The following PROZ variants were observed in gnomAD, a reference collection of about 807,000 sequenced individuals.
The protein encoded by PROZ is protein Z, vitamin K dependent plasma glycoprotein.
A neutral mutation model predicts 34.9 loss-of-function variants in PROZ; 46 were observed. That is an observed-to-expected ratio of 1.32 (90% CI 1.04 to 1.69). PROZ has a LOEUF of 1.69. PROZ is among the 40% of genes most tolerant of loss of function. The probability of loss-of-function intolerance (pLI) is 0.00; values close to 1 mark genes in which losing one functional copy is unlikely to be tolerated. For synonymous variants in PROZ, 195 were observed against 208.5 expected (o/e 0.94, Z 0.56); for missense variants, 530 against 520.4 (o/e 1.02, Z -0.18).
At chr13:113,163,964 G>GTCT (rs1301126143) in intron 4 of PROZ, among the ~76,000 whole-genome samples, 2 of 26,370 alleles carry the variant, frequency 7.6e-5, no homozygotes, top group African/African-American at 1.2e-4. Flanking sequence ...CACTCATGGA[G>GTCT]TCTTTTTTTT....
In PROZ at chr13:113,165,066, C is replaced by T. The variant is rs183762960; in HGVS notation, c.519C>T (p.Cys173=). The part of the protein sequence containing the change: ...KQCVPHDQCA[C]GVLTSEKRAP... ...CCGCAAATGCAGACCAGTGTGCCTG[C>T]GGGGTGCTGACCTCTGAGAAGCGTG... The change falls in exon 6 of 8, where the codon TGC becomes TGT. Residue 173 remains cysteine, a synonymous_variant. Transcript: ENST00000375547. 51 of 1,613,222 alleles carry T rather than the reference C, an allele frequency of 3.2e-5. No individual in the cohort carries two copies. The highest frequency in any genetic ancestry group is 1.6e-4 in the Middle Eastern group (1 of 6,076).
In PROZ at chr13:113,165,081, TGA is replaced by T. The variant is rs2036884420; in HGVS notation, c.537_538del (p.Lys180AlafsTer53). On this transcript the variant is annotated frameshift_variant, in exon 6 of 8. Transcript: ENST00000375547. LOFTEE classifies it high-confidence loss of function. ...DQCACGVLTS[E>X]KRAPDLQDLP... The stretch of plus-strand genomic sequence containing the variant: ...AGTGTGCCTGCGGGGTGCTGACCTC[TGA>T]GAAGCGTGCACCGGATCTACAGGAC... 1 of 1,613,056 alleles carries T rather than the reference TGA, an allele frequency of 6.2e-7. No individual in the cohort carries two copies. The highest frequency in any genetic ancestry group is 1.3e-5 in the African/African-American group (1 of 75,032).
intron 6 of PROZ, among the ~76,000 whole-genome samples, chr13:113,167,205 AGT>A (rs1566930317): frequency 2.0e-5 from 3 of 152,204 alleles, no homozygotes; most frequent in South Asian, 4.1e-4. Context: ...TGATGGCGCA[AGT>A]GCCGTCTTCT....
At position 113,160,036 on chromosome 13, in the gene PROZ, A is replaced by G; in HGVS notation, c.93A>G (p.Ala31=). The change falls in exon 2 of 8, where the codon GCA becomes GCG. Residue 31 remains alanine, a synonymous_variant. Transcript: ENST00000375547. ...EPSVFLPASK[A]NDVLVRWKRA... The stretch of plus-strand genomic sequence containing the variant: ...TAGTATTTCTCCCGGCCTCCAAAGC[A>G]AACGACGTTCTGGTGAGGTGGAAGC... 1 of 1,614,204 alleles carries G rather than the reference A, an allele frequency of 6.2e-7. No individual in the cohort carries two copies. The highest frequency in any genetic ancestry group is 8.5e-7 in the Non-Finnish European group (1 of 1,180,036).
chr13:113,168,110 C>T (rs2036999335), intron 6 of PROZ, among the ~76,000 whole-genome samples: 1 of 152,224 alleles, frequency 6.6e-6, no homozygotes, highest in African/African-American at 2.4e-5. Flanking sequence ...CTTACATCTA[C>T]AGATGTTATA....
chr13:113,161,594 G>A (rs980190084), intron 3 of PROZ, among the ~76,000 whole-genome samples: 1 of 152,162 alleles, frequency 6.6e-6, no homozygotes, highest in African/African-American at 2.4e-5. Flanking sequence ...GGGCTGATGG[G>A]GCGGGACAGA....
intron 6 of PROZ, among the ~76,000 whole-genome samples, chr13:113,168,651 G>A (rs556474202): frequency 6.6e-6 from 1 of 152,304 alleles, no homozygotes; most frequent in Non-Finnish European, 1.5e-5. Context: ...TTGTTTTCAT[G>A]TTTCTTGCAC....
At chr13:113,170,842 G>A (rs1156558800) in intron 7 of PROZ, among the ~76,000 whole-genome samples, 1 of 151,930 alleles carries the variant, frequency 6.6e-6, no homozygotes, top group Non-Finnish European at 1.5e-5. Flanking sequence ...CTAAAAATCG[G>A]AAGAATGGGG....
chr13:113,172,043 C>A lies in PROZ; in HGVS notation c.1141C>A (p.His381Asn). Residue 381 changes from histidine to asparagine, a missense_variant, in exon 8 of 8, where the codon CAC (histidine) becomes AAC (asparagine). Coordinates refer to ENST00000375547, the MANE Select transcript of PROZ (RefSeq NM_003891.3). ...CTCGCAGCCAGTAGGAGGGCAGGCT[C>A]ACATGGTCCTTGTCACCAAGGTCTC... ...LGSQPVGGQA[H>N]MVLVTKVSRY... 6.2e-7 allele frequency: 1 copy of A among 1,613,118 alleles called. No homozygotes were observed. The highest frequency in any genetic ancestry group is 8.5e-7 in the Non-Finnish European group (1 of 1,180,034).
chr13:113,165,004 C>T (rs751389856), intron 5 of PROZ, 49 bp from the exon 6 acceptor site: 32 of 1,559,330 alleles, frequency 2.1e-5, no homozygotes, highest in South Asian at 1.4e-4. Context: ...GTCCGATATT[C>T]GCTGAGAAGG....
chr13:113,160,788 CAAAT>C (rs1331547129), intron 2 of PROZ, among the ~76,000 whole-genome samples, 156 bp from the exon 3 acceptor site: 2 of 152,114 alleles, frequency 1.3e-5, no homozygotes, highest in Non-Finnish European at 2.9e-5. Flanking sequence ...TTAACATAAA[CAAAT>C]AGGCTGTAAA....
Position 113,158,852 on chromosome 13 carries a change from C to G in PROZ, c.70+122C>G. ...AGGAGCCCTGAGTGCCCAGACTAGT[C>G]TTAATTCCCCTGAAAAAGCTGTTTG... On this transcript the variant is annotated intron_variant, in intron 1 of 7. Coordinates refer to ENST00000375547, the MANE Select transcript of PROZ (RefSeq NM_003891.3). This position sits in a 1 kb window ranked among gnomAD's most constrained non-coding sequence, Gnocchi z 4.3. 1.1e-6 allele frequency: 1 copy of G among 951,434 alleles called. No individual in the cohort carries two copies. The highest frequency in any genetic ancestry group is 2.0e-5 in the Admixed American group (1 of 50,228). The allele number at this position is 951,434 out of a possible 1,614,324, so 58.9% of individuals were successfully genotyped here.
Position 113,159,368 on chromosome 13 carries a change from C to T in PROZ, c.70+638C>T. The T allele has an allele frequency of 8.0e-7, 1 of 1,253,228 alleles. No individual in the cohort carries two copies. The highest frequency in any genetic ancestry group is 1.3e-5 in the South Asian group (1 of 75,916). The allele number at this position is 1,253,228 out of a possible 1,614,324, so 77.6% of individuals were successfully genotyped here. A position where few individuals can be genotyped will look rare whatever the true frequency, so the allele number is the denominator to read the frequency against. ...TCCCCCCGCCCTGCCCTGCCCAGCACTTACCGTAGCCGGACTTAGCTGAGC... is the reference window on the plus strand; with the variant it reads ...TCCCCCCGCCCTGCCCTGCCCAGCATTTACCGTAGCCGGACTTAGCTGAGC... On this transcript the variant is annotated intron_variant, in intron 1 of 7. Transcript: ENST00000375547. This position sits in a 1 kb window ranked among gnomAD's most constrained non-coding sequence, Gnocchi z 4.6.
rs923184960 is a variant in PROZ, at chr13:113,159,371, A to G, written c.70+641A>G. 58 of 1,225,442 alleles carry G rather than the reference A, an allele frequency of 4.7e-5. No homozygotes were observed. The highest frequency in any genetic ancestry group is 6.5e-5 in the Non-Finnish European group (56 of 864,412). The allele number at this position is 1,225,442 out of a possible 1,614,324, so 75.9% of individuals were successfully genotyped here. A position where few individuals can be genotyped will look rare whatever the true frequency, so the allele number is the denominator to read the frequency against. ...CCCCGCCCTGCCCTGCCCAGCACTT[A>G]CCGTAGCCGGACTTAGCTGAGCCCC... is the stretch of plus-strand genomic sequence containing the variant. On this transcript the variant is annotated intron_variant, in intron 1 of 7. Coordinates refer to ENST00000375547, the MANE Select transcript of PROZ (RefSeq NM_003891.3). This position sits in a 1 kb window ranked among gnomAD's most constrained non-coding sequence, Gnocchi z 4.6.
chr13:113,159,921 G>C lies in PROZ; in HGVS notation c.71-93G>C. On this transcript the variant is annotated intron_variant, in intron 1 of 7. Coordinates refer to ENST00000375547, the MANE Select transcript of PROZ (RefSeq NM_003891.3). The surrounding 1 kb of genome is among the most constrained non-coding windows in gnomAD (Gnocchi z 4.6). Reference sequence around the variant, plus strand: ...AGAGCCTGTGGAGACGGACGGGGCTGGGGCTGGCGGCCGGCCGGGGAGGAA... The same window carrying C: ...AGAGCCTGTGGAGACGGACGGGGCTCGGGCTGGCGGCCGGCCGGGGAGGAA... The C allele has an allele frequency of 1.4e-6, 2 of 1,476,146 alleles. No individual in the cohort carries two copies. Among genetic ancestry groups the C allele is most frequent in the Non-Finnish European group, 1.9e-6 (2 of 1,057,648 alleles). 91.4% of individuals were successfully genotyped at this position (1,476,146 alleles called of 1,614,324 possible).
chr13:113,171,808 C>T lies in PROZ; in HGVS notation c.906C>T (p.Gly302=). The T allele has an allele frequency of 6.2e-7, 1 of 1,613,554 alleles. No homozygotes were observed. The highest frequency in any genetic ancestry group is 8.5e-7 in the Non-Finnish European group (1 of 1,179,938). ...CACGCACCAGGGGCCTCCTCAGCGGCTGGGCACGCAATGGCACTGACCTGG... is the reference window on the plus strand; with the variant it reads ...CACGCACCAGGGGCCTCCTCAGCGGTTGGGCACGCAATGGCACTGACCTGG... ...LIPRTRGLLS[G]WARNGTDLGN... is the part of the protein sequence containing the mutation. The change falls in exon 8 of 8, where the codon GGC becomes GGT. Residue 302 remains glycine, a synonymous_variant. Transcript: ENST00000375547. This position sits in a 1 kb window ranked among gnomAD's most constrained non-coding sequence, Gnocchi z 5.1.
intron 5 of PROZ, 138 bp downstream of exon 5, chr13:113,164,782 T>G (rs1022405276): frequency 1.5e-6 from 2 of 1,376,498 alleles, no homozygotes; most frequent in African/African-American, 2.9e-5. Context: ...GGTCCGCGTC[T>G]CCACGCTGGA....
Position 113,159,961 on chromosome 13 carries a change from G to T in PROZ, c.71-53G>T. On this transcript the variant is annotated intron_variant, in intron 1 of 7. Transcript: ENST00000375547. This position sits in a 1 kb window ranked among gnomAD's most constrained non-coding sequence, Gnocchi z 4.6. ...CCGGGGAGGAAGCCAGGCAGCTCTGGAAAGCAGGGCCCTCGGTGCTCCCAG... is the reference window on the plus strand; with the variant it reads ...CCGGGGAGGAAGCCAGGCAGCTCTGTAAAGCAGGGCCCTCGGTGCTCCCAG... The T allele has an allele frequency of 6.2e-7, 1 of 1,606,664 alleles. No individual in the cohort carries two copies. Among genetic ancestry groups the T allele is most frequent in the Non-Finnish European group, 8.5e-7 (1 of 1,174,580 alleles).
chr13:113,160,001 G>C lies in PROZ; in HGVS notation c.71-13G>C, dbSNP rs765865533. ...GGTGCTCCCAGTCACCTGCCTTCTT[G>C]TCTCGTCTGTAGTATTTCTCCCGGC... On this transcript the variant is annotated splice_polypyrimidine_tract_variant and intron_variant, in intron 1 of 7. Coordinates refer to ENST00000375547, the MANE Select transcript of PROZ (RefSeq NM_003891.3). The C allele has an allele frequency of 6.2e-7, 1 of 1,613,694 alleles. No homozygotes were observed.
Sources: allele counts gnomAD v4.1 joint callset (sites outside exome capture counted in the v4.1 genomes callset), GRCh38; gene constraint gnomAD v4.1.1; non-coding constraint Gnocchi (gnomAD v3.1); transcripts MANE v1.5; gene names NCBI Gene and HGNC (gene_info 2026-07-23, HGNC 2026-07-21).